UNC13C: variants seen among roughly 807,000 people sequenced by gnomAD.
The protein encoded by UNC13C is protein unc-13 homolog C.
Under a neutral mutation model 245.4 loss-of-function variants are expected in UNC13C, and 174 were observed. The ratio of observed to expected loss-of-function variants is 0.71; its 90% CI spans 0.63 to 0.80. The LOEUF (loss-of-function observed/expected upper bound fraction) is 0.80, where lower values mean the gene tolerates loss of function less well. UNC13C is among the 30% of genes least tolerant of loss of function. The probability of loss-of-function intolerance (pLI) is 0.00; values close to 1 mark genes in which losing one functional copy is unlikely to be tolerated. For synonymous variants in UNC13C, 992 were observed against 895.1 expected (o/e 1.11, Z -1.93); for missense variants, 2,829 against 2,602.9 (o/e 1.09, Z -1.89).
intron 2 of UNC13C, among the ~76,000 whole-genome samples, chr15:54,052,612 T>C (rs571664783): frequency 6.6e-6 from 1 of 152,378 alleles, no homozygotes; most frequent in East Asian, 1.9e-4. Flanking sequence ...GTTTATGGTG[T>C]TGAAGTGTTT....
chr15:54,226,835 C>G (rs1025482090), intron 4 of UNC13C, among the ~76,000 whole-genome samples: 1 of 152,142 alleles, frequency 6.6e-6, no homozygotes, highest in African/African-American at 2.4e-5. Context: ...ATGGTGGTGC[C>G]TGGAAGCTTG....
chr15:54,131,413 T>G (rs576867776), intron 2 of UNC13C, among the ~76,000 whole-genome samples: 2 of 152,372 alleles, frequency 1.3e-5, no homozygotes, highest in South Asian at 4.1e-4. Context: ...ACTATTTACT[T>G]TCCATGGTTT....
chr15:54,047,408 C>A (rs190899264), intron 2 of UNC13C, among the ~76,000 whole-genome samples: 104 of 152,044 alleles, frequency 6.8e-4, no homozygotes, highest in African/African-American at 2.4e-3. Context: ...CAATAGCCAA[C>A]CCCTACCCTT....
the UNC13C span, among the ~76,000 whole-genome samples, chr15:53,938,355 G>GA: frequency 1.3e-5 from 2 of 152,138 alleles, no homozygotes; most frequent in East Asian, 3.8e-4. Flanking sequence ...CCCAATACTG[G>GA]AGCACCCAGA....
chr15:53,983,002 G>A (rs938704505), intron 1 of UNC13C, among the ~76,000 whole-genome samples: 5 of 152,104 alleles, frequency 3.3e-5, no homozygotes, highest in African/African-American at 9.7e-5. Flanking sequence ...TTTTAGAATT[G>A]AGTAAGAAAT....
the UNC13C span, among the ~76,000 whole-genome samples, chr15:53,937,704 G>A: frequency 6.6e-6 from 1 of 152,210 alleles, no homozygotes; most frequent in East Asian, 1.9e-4. Flanking sequence ...AACCCTACAA[G>A]CCAGAAGAGA....
intron 19 of UNC13C, among the ~76,000 whole-genome samples, chr15:54,477,830 A>G (rs1040145259): frequency 6.7e-5 from 10 of 149,344 alleles, no homozygotes; most frequent in Admixed American, 6.0e-4. Context: ...TCATAAAATG[A>G]GTTAAGGAGG....
At chr15:54,255,362 C>G (rs1421193036) in intron 8 of UNC13C, among the ~76,000 whole-genome samples, 1 of 152,146 alleles carries the variant, frequency 6.6e-6, no homozygotes, top group Non-Finnish European at 1.5e-5. Context: ...AAATGGTTTT[C>G]CCTGGAGTCA....
chr15:53,972,580 A>G, the UNC13C span: 1 of 152,286 alleles, frequency 6.6e-6, no homozygotes, highest in South Asian at 2.1e-4. Context: ...TATCTCTAGT[A>G]CCAAATATAG....
At chr15:53,979,074 C>T (rs1414358955) in intron 1 of UNC13C, among the ~76,000 whole-genome samples, 147 bp downstream of exon 1, 12 of 152,096 alleles carry the variant, frequency 7.9e-5, no homozygotes, top group Non-Finnish European at 1.6e-4. Context: ...AATCTCGGCT[C>T]TCCTGTTTTT....
At chr15:54,599,506 T>A (rs1427989565) in intron 30 of UNC13C, among the ~76,000 whole-genome samples, 2 of 152,032 alleles carry the variant, frequency 1.3e-5, no homozygotes, top group African/African-American at 4.8e-5. Context: ...TAAGATCTAT[T>A]TCTTTCACTC....
intron 2 of UNC13C, among the ~76,000 whole-genome samples, chr15:54,140,197 G>A (rs1324363988): frequency 6.6e-6 from 1 of 152,086 alleles, no homozygotes; most frequent in East Asian, 1.9e-4. Flanking sequence ...ACAGCAATCT[G>A]CCATTAGGAT....
At chr15:54,503,919 T>G (rs1189293756) in intron 22 of UNC13C, among the ~76,000 whole-genome samples, 1 of 152,144 alleles carries the variant, frequency 6.6e-6, no homozygotes, top group African/African-American at 2.4e-5. Flanking sequence ...TCAGACACAT[T>G]AATTGTATCT....
intron 10 of UNC13C, among the ~76,000 whole-genome samples, chr15:54,272,195 A>G (rs1291342652): frequency 6.6e-6 from 1 of 152,138 alleles, no homozygotes; most frequent in Non-Finnish European, 1.5e-5. Context: ...ATTGTTTTGG[A>G]CCTTTTGAAG....
At chr15:54,016,406 G>C (rs1224212501) in intron 2 of UNC13C, among the ~76,000 whole-genome samples, 1 of 152,178 alleles carries the variant, frequency 6.6e-6, no homozygotes, top group Non-Finnish European at 1.5e-5. Context: ...GTGTGCACAG[G>C]ACAGTCCCAT....
intron 4 of UNC13C, among the ~76,000 whole-genome samples, chr15:54,191,089 T>C (rs1333563611): frequency 1.3e-5 from 2 of 152,202 alleles, no homozygotes; most frequent in Non-Finnish European, 2.9e-5. Context: ...CTGGGATACA[T>C]GTGCTGAACA....
At chr15:54,371,374 T>C (rs1376175744) in intron 17 of UNC13C, among the ~76,000 whole-genome samples, 1 of 152,156 alleles carries the variant, frequency 6.6e-6, no homozygotes. Context: ...ATATAAGCTC[T>C]TAGGTCCAAT....
intron 13 of UNC13C, among the ~76,000 whole-genome samples, chr15:54,319,035 C>A (rs1462654037): frequency 5.9e-5 from 9 of 151,752 alleles, no homozygotes. Flanking sequence ...GAGCACCAAT[C>A]CTTTCTAAAA....
At chr15:54,566,257 T>C (rs1440299508) in intron 29 of UNC13C, among the ~76,000 whole-genome samples, 1 of 152,094 alleles carries the variant, frequency 6.6e-6, no homozygotes. Flanking sequence ...GAAATCTTTT[T>C]TCCATCCTTA....
Sources: allele counts gnomAD v4.1 joint callset (sites outside exome capture counted in the v4.1 genomes callset), GRCh38; gene constraint gnomAD v4.1.1; transcripts MANE v1.5; gene names NCBI Gene and HGNC (gene_info 2026-07-23, HGNC 2026-07-21).